UNC80: variants seen among roughly 807,000 people sequenced by gnomAD.
UNC80 encodes the protein protein unc-80 homolog.
Under a neutral mutation model 384.6 loss-of-function variants are expected in UNC80, and 164 were observed. That is an observed-to-expected ratio of 0.43 (90% CI 0.38 to 0.49). The LOEUF (loss-of-function observed/expected upper bound fraction) is 0.49, where lower values mean the gene tolerates loss of function less well. UNC80 is among the 20% of genes least tolerant of loss of function. The pLI is 0.00. For synonymous variants in UNC80, 1,486 were observed against 1,527.8 expected (o/e 0.97, Z 0.64); for missense variants, 3,330 against 4,143.0 (o/e 0.80, Z 5.39).
chr2:209,832,081 A>T (rs2081013153), intron 16 of UNC80, among the ~76,000 whole-genome samples: 1 of 152,164 alleles, frequency 6.6e-6, no homozygotes, highest in Non-Finnish European at 1.5e-5. Flanking sequence ...TCACAATAGG[A>T]TAGGGAAGAA....
intron 51 of UNC80, among the ~76,000 whole-genome samples, 152 bp downstream of exon 51, chr2:209,959,859 C>A (rs1358391749): frequency 1.3e-5 from 2 of 152,106 alleles, no homozygotes. Flanking sequence ...TCATACAGAA[C>A]CCTCTGCTAA....
chr2:209,812,060 G>GT (rs997258027), intron 7 of UNC80, among the ~76,000 whole-genome samples: 12 of 151,994 alleles, frequency 7.9e-5, no homozygotes, highest in Admixed American at 2.0e-4. Flanking sequence ...GTTCTGTTTT[G>GT]TTTTTTTGAG....
chr2:209,962,673 T>C (rs971172053), intron 51 of UNC80, among the ~76,000 whole-genome samples: 4 of 152,210 alleles, frequency 2.6e-5, no homozygotes, highest in African/African-American at 9.6e-5. Context: ...ATGCCCTTTA[T>C]TAACGCAATT....
Position 209,849,587 on chromosome 2 carries a change from T to C in UNC80, c.3591T>C (p.Ile1197=), listed in dbSNP as rs1269351136. Residue 1197 remains isoleucine, a synonymous_variant, in exon 22 of 65, where the codon ATT becomes ATC. Coordinates refer to ENST00000673920, the MANE Select transcript of UNC80 (RefSeq NM_001371986.1). ...FLLNCCEPGT[I]PDASILAAAL... is the part of the protein sequence containing the mutation. ...TAAACTGCTGTGAGCCAGGGACAAT[T>C]CCTGATGCCTCCATCCTAGCAGCTG... 1.3e-6 allele frequency: 2 copies of C among 1,550,684 alleles called. No homozygotes were observed. The highest frequency in any genetic ancestry group is 1.7e-6 in the Non-Finnish European group (2 of 1,146,440).
intron 47 of UNC80, among the ~76,000 whole-genome samples, chr2:209,947,827 C>G (rs1159861311): frequency 3.9e-5 from 6 of 152,102 alleles, no homozygotes; most frequent in Non-Finnish European, 8.8e-5. Flanking sequence ...ATCTACATAA[C>G]TACCACTCAG....
At chr2:209,964,779 CTG>C (rs2092696768) in intron 51 of UNC80, among the ~76,000 whole-genome samples, 1 of 134,402 alleles carries the variant, frequency 7.4e-6, no homozygotes, top group African/African-American at 2.9e-5. Flanking sequence ...GAGTGAGACT[CTG>C]TCTCAAAAAA....
chr2:209,954,242 C>G lies in UNC80; in HGVS notation c.7429C>G (p.Leu2477Val), dbSNP rs1436574558. Residue 2477 changes from leucine to valine, a missense_variant, in exon 48 of 65, where the codon CTT (leucine) becomes GTT (valine). Coordinates refer to ENST00000673920, the MANE Select transcript of UNC80 (RefSeq NM_001371986.1). Reference protein sequence around the residue: ...TAALATSLQALLYSVEVLTRP... With the variant: ...TAALATSLQAVLYSVEVLTRP... ...TGCTCTTGCGACGTCCCTACAGGCC[C>G]TTTTGTACAGTGTAGAGGTCCTCAC... 5 of 1,550,576 alleles carry G rather than the reference C, an allele frequency of 3.2e-6. No individual in the cohort carries two copies. The highest frequency in any genetic ancestry group is 2.0e-5 in the Admixed American group (1 of 50,906).
chr2:209,849,323 A>G (rs2082363642), intron 21 of UNC80, 128 bp from the exon 22 acceptor site: 1 of 945,572 alleles, frequency 1.1e-6, no homozygotes, highest in African/African-American at 1.7e-5. Context: ...AAGGAAGTGG[A>G]GTGAAGGAGA....
Position 209,878,019 on chromosome 2 carries a change from T to A in UNC80, c.3906T>A (p.Gly1302=), listed in dbSNP as rs539924028. The change falls in exon 24 of 65, where the codon GGT becomes GGA. Residue 1302 remains glycine, a synonymous_variant. Coordinates refer to ENST00000673920, the MANE Select transcript of UNC80 (RefSeq NM_001371986.1). ...GESESPANLL[G]LIYDEETKRR... is the part of the protein sequence containing the mutation. ...GTGAGAGCCCAGCCAACCTGCTGGG[T>A]CTCATTTACGATGAAGAGACCAAGA... 3.2e-6 allele frequency: 5 copies of A among 1,546,088 alleles called. No homozygotes were observed. Among genetic ancestry groups the A allele is most frequent in the Non-Finnish European group, 4.4e-6 (5 of 1,144,446 alleles).
In UNC80 at chr2:209,921,482, G is replaced by T. The variant is rs761507412; in HGVS notation, c.5344-18G>T. The T allele has an allele frequency of 6.5e-7, 1 of 1,537,920 alleles. No individual in the cohort carries two copies. The highest frequency in any genetic ancestry group is 2.5e-5 in the East Asian group (1 of 40,804). On this transcript the variant is annotated intron_variant, in intron 33 of 64. Coordinates refer to ENST00000673920, the MANE Select transcript of UNC80 (RefSeq NM_001371986.1). ...AGAAGAATTGCTATTAAATGAACTT[G>T]CCTTTATGTCTCCACAGAAATCCTT...
intron 20 of UNC80, among the ~76,000 whole-genome samples, chr2:209,841,872 T>TAA (rs1559180628): frequency 6.6e-6 from 1 of 152,200 alleles, no homozygotes; most frequent in Admixed American, 6.5e-5. Context: ...ATGAAGAACA[T>TAA]ATTTTAATTC....
At chr2:209,800,666 T>G (rs770458624) in intron 7 of UNC80, among the ~76,000 whole-genome samples, 20 of 152,224 alleles carry the variant, frequency 1.3e-4, no homozygotes, top group Admixed American at 2.0e-4. Flanking sequence ...CAATTTTAGA[T>G]CTTTTTAGCT....
chr2:209,830,494 C>A (rs1030650972), intron 15 of UNC80, among the ~76,000 whole-genome samples: 10 of 152,000 alleles, frequency 6.6e-5, no homozygotes, highest in African/African-American at 2.4e-4. Flanking sequence ...GAGATCATCC[C>A]CTGTCAATTG....
chr2:209,789,394 T>C, intron 5 of UNC80, 138 bp from the exon 6 acceptor site: 1 of 616,394 alleles, frequency 1.6e-6, no homozygotes, highest in Non-Finnish European at 2.8e-6. Context: ...GAATATCTCT[T>C]ACAATATGCG....
chr2:209,872,668 A>G lies in UNC80; in HGVS notation c.3628-90A>G. The G allele has an allele frequency of 8.2e-7, 1 of 1,215,438 alleles. No homozygotes were observed. 75.3% of individuals were successfully genotyped at this position (1,215,438 alleles called of 1,614,324 possible). The stretch of plus-strand genomic sequence containing the variant: ...AATCAAAACATGAAGAGGAAAATAA[A>G]CTAAAAATACACAGTAATTCCCTTT... On this transcript the variant is annotated intron_variant, in intron 22 of 64. Coordinates refer to ENST00000673920, the MANE Select transcript of UNC80 (RefSeq NM_001371986.1). This position sits in a 1 kb window ranked among gnomAD's most constrained non-coding sequence, Gnocchi z 4.1.
At chr2:209,981,018 T>C in intron 59 of UNC80, among the ~76,000 whole-genome samples, 1 of 152,206 alleles carries the variant, frequency 6.6e-6, no homozygotes, top group East Asian at 1.9e-4. Flanking sequence ...TTTAAGTCAG[T>C]GATTATATAG....
At chr2:209,933,343 T>A (rs532856866) in intron 38 of UNC80, among the ~76,000 whole-genome samples, 1 of 152,172 alleles carries the variant, frequency 6.6e-6, no homozygotes, top group African/African-American at 2.4e-5. Flanking sequence ...GACACACATT[T>A]ACCTATGTAA....
rs2093182311 is a variant in UNC80, at chr2:209,982,569, GTCT to G, written c.9257+257_9257+259del. 8.9e-6 allele frequency: 3 copies of G among 338,294 alleles called. No homozygotes were observed. In the East Asian group the frequency reaches 1.6e-4, roughly 18 times the overall value. 21.0% of individuals were successfully genotyped at this position (338,294 alleles called of 1,614,324 possible). A position where few individuals can be genotyped will look rare whatever the true frequency, so the allele number is the denominator to read the frequency against. On this transcript the variant is annotated intron_variant, in intron 60 of 64. Transcript: ENST00000673920. ...CTTAAAAATTTTCCATAGACACATGGTCTTCTTTCTGTTGTCAAATGGCATTCT... is the reference window on the plus strand; with the variant it reads ...CTTAAAAATTTTCCATAGACACATGGTCTTTCTGTTGTCAAATGGCATTCT...
Position 209,982,979 on chromosome 2 carries a change from G to A in UNC80, c.9257+662G>A, listed in dbSNP as rs1270981776. 5 of 149,704 alleles carry A rather than the reference G, an allele frequency of 3.3e-5. 1 individual carries two copies. Among genetic ancestry groups the A allele is most frequent in the Non-Finnish European group, 1.5e-5 (1 of 67,472 alleles). The allele number at this position is 149,704 out of a possible 1,614,324, so 9.3% of individuals were successfully genotyped here. ...ATACACACACACACACACAATGAAA[G>A]TATAATGAAAATGATCTCACATGAG... On this transcript the variant is annotated intron_variant, in intron 60 of 64. Coordinates refer to ENST00000673920, the MANE Select transcript of UNC80 (RefSeq NM_001371986.1).
Sources: gnomAD v4.1 joint callset for allele counts (sites outside exome capture counted in the v4.1 genomes callset) on GRCh38, gnomAD v4.1.1 for gene constraint, Gnocchi (gnomAD v3.1) non-coding constraint, MANE v1.5 for transcripts, NCBI Gene and HGNC (gene_info 2026-07-23, HGNC 2026-07-21) for gene names.